The following RP1 variants were observed in gnomAD, a reference collection of about 807,000 sequenced individuals.
RP1 encodes the protein oxygen-regulated protein 1.
RP1 carries 16 observed loss-of-function variants against 14.8 expected under a neutral mutation model. That is an observed-to-expected ratio of 1.08 (90% CI 0.73 to 1.65). The LOEUF is 1.65. Among genes scored for constraint, RP1 ranks in the 40% most tolerant of loss-of-function variants. The pLI is 0.00. For synonymous variants in RP1, 876 were observed against 883.6 expected (o/e 0.99, Z 0.15); for missense variants, 2,631 against 2,535.0 (o/e 1.04, Z -0.81).
intron 5 of RP1, chr8:54,652,948 T>G: frequency 1.1e-6 from 1 of 936,674 alleles, no homozygotes; most frequent in Non-Finnish European, 1.7e-6. Context: ...ATGCCTATAA[T>G]GAGTTGATAG....
chr8:54,697,134 T>G, intron 12 of RP1: 1 of 1,186,010 alleles, frequency 8.4e-7, no homozygotes, highest in East Asian at 2.4e-5. Context: ...TAGACCTAGG[T>G]GCCGAACAGC....
chr8:54,859,969 A>C (rs1812302867), intron 27 of RP1, among the ~76,000 whole-genome samples: 1 of 152,172 alleles, frequency 6.6e-6, no homozygotes, highest in Non-Finnish European at 1.5e-5. Flanking sequence ...CAATGTTAGA[A>C]CATCCAACCC....
intron 13 of RP1, chr8:54,699,645 A>T: frequency 1.5e-6 from 1 of 658,708 alleles, no homozygotes; most frequent in Non-Finnish European, 2.2e-6. Flanking sequence ...AGATACATTT[A>T]TAAGATTACC....
intron 24 of RP1, among the ~76,000 whole-genome samples, chr8:54,785,898 A>G (rs1249904723): frequency 6.6e-6 from 1 of 152,128 alleles, no homozygotes; most frequent in East Asian, 1.9e-4. Context: ...AAGGCTGAGA[A>G]GCAACGATTT....
chr8:54,780,078 C>A (rs1271820743), intron 23 of RP1, among the ~76,000 whole-genome samples: 1 of 152,184 alleles, frequency 6.6e-6, no homozygotes, highest in Non-Finnish European at 1.5e-5. Context: ...GAGATATCTC[C>A]CCCATGCTGC....
intron 24 of RP1, among the ~76,000 whole-genome samples, chr8:54,790,564 CAA>C (rs34553015): frequency 7.4e-6 from 1 of 135,664 alleles, no homozygotes. Context: ...CAGTGAACTT[CAA>C]AAAAAAAAAA....
At chr8:54,609,215 G>A (rs763295655) in intron 1 of RP1, among the ~76,000 whole-genome samples, 1 of 152,022 alleles carries the variant, frequency 6.6e-6, no homozygotes, top group Non-Finnish European at 1.5e-5. Flanking sequence ...TTTTACATTT[G>A]TGTGGGAGGC....
chr8:54,769,831 A>G, exon 23 of RP1: 1 of 1,480,888 alleles, frequency 6.8e-7, no homozygotes, highest in Non-Finnish European at 9.1e-7. Flanking sequence ...AGTAGAAGAA[A>G]GTACAAGATG....
At chr8:54,639,195 A>T (rs1259443147) in intron 3 of RP1, among the ~76,000 whole-genome samples, 2 of 152,140 alleles carry the variant, frequency 1.3e-5, no homozygotes, top group African/African-American at 2.4e-5. Context: ...GGCATCTTTG[A>T]TATCTGCTTC....
At chr8:54,703,384 G>A (rs1371752802) in intron 14 of RP1, among the ~76,000 whole-genome samples, 2 of 152,168 alleles carry the variant, frequency 1.3e-5, no homozygotes, top group East Asian at 1.9e-4. Flanking sequence ...CAGGTACATT[G>A]TCAATGAATA....
intron 25 of RP1, among the ~76,000 whole-genome samples, chr8:54,846,865 C>T (rs987605029): frequency 2.0e-5 from 3 of 152,190 alleles, no homozygotes; most frequent in Admixed American, 6.5e-5. Flanking sequence ...TTGGTAATGT[C>T]TGCTGAAGGA....
intron 1 of RP1, among the ~76,000 whole-genome samples, chr8:54,605,987 T>C (rs1034262843): frequency 2.6e-5 from 4 of 151,586 alleles, no homozygotes; most frequent in Non-Finnish European, 5.9e-5. Flanking sequence ...GGGTCTTGAC[T>C]CTTTATCCAA....
intron 6 of RP1, among the ~76,000 whole-genome samples, chr8:54,656,536 G>A (rs939855187): frequency 3.3e-5 from 5 of 151,942 alleles, no homozygotes; most frequent in Non-Finnish European, 7.4e-5. Flanking sequence ...AGAAATGCAA[G>A]TCAGTGTCTA....
intron 24 of RP1, among the ~76,000 whole-genome samples, chr8:54,827,530 A>G (rs1399080815): frequency 6.6e-6 from 1 of 152,092 alleles, no homozygotes; most frequent in Non-Finnish European, 1.5e-5. Flanking sequence ...GGGTTTAACC[A>G]TGTTGCCTAG....
chr8:54,865,577 T>C (rs1016202061), intron 27 of RP1, among the ~76,000 whole-genome samples: 16 of 152,268 alleles, frequency 1.1e-4, no homozygotes, highest in Admixed American at 3.9e-4. Context: ...TTGGCTCATG[T>C]GTTTTTAAAT....
chr8:54,867,803 G>A (rs913933487), intron 28 of RP1, among the ~76,000 whole-genome samples: 6 of 152,014 alleles, frequency 3.9e-5, no homozygotes, highest in Non-Finnish European at 5.9e-5. Context: ...AGTCCAATAT[G>A]GTAGCCACTA....
intron 15 of RP1, among the ~76,000 whole-genome samples, chr8:54,715,845 C>A (rs955602149): frequency 6.6e-6 from 1 of 152,164 alleles, no homozygotes; most frequent in African/African-American, 2.4e-5. Flanking sequence ...CTAAGACATG[C>A]TCCCTGCTCT....
At chr8:54,783,620 T>C in exon 24 of RP1, 1 of 1,231,718 alleles carries the variant, frequency 8.1e-7, no homozygotes, top group Non-Finnish European at 1.0e-6. Flanking sequence ...TGTTCCTTTA[T>C]GTCTATGGAG....
intron 12 of RP1, among the ~76,000 whole-genome samples, chr8:54,686,051 T>C (rs529604319): frequency 6.6e-6 from 1 of 152,340 alleles, no homozygotes; most frequent in Admixed American, 6.5e-5. Flanking sequence ...AAAAACTTTT[T>C]ACCCTTCAGT....
Sources: allele counts gnomAD v4.1 joint callset (sites outside exome capture counted in the v4.1 genomes callset), GRCh38; gene constraint gnomAD v4.1.1; transcripts MANE v1.5; gene names NCBI Gene and HGNC (gene_info 2026-07-23, HGNC 2026-07-21).